Variants in CACNA1D observed in about 807,000 individuals in gnomAD.
CACNA1D encodes the protein voltage-dependent L-type calcium channel subunit alpha-1D.
CACNA1D carries 55 observed loss-of-function variants against 257.1 expected under a neutral mutation model. The ratio of observed to expected loss-of-function variants is 0.21; its 90% CI spans 0.17 to 0.27. The LOEUF (loss-of-function observed/expected upper bound fraction) is 0.27. Ranked by LOEUF, CACNA1D falls within the 10% of genes least tolerant of loss-of-function variation. The pLI is 1.00. For synonymous variants in CACNA1D, 980 were observed against 1,014.9 expected (o/e 0.97, Z 0.65); for missense variants, 1,876 against 2,784.0 (o/e 0.67, Z 7.34).
chr3:53,809,682 G>A, intron 46 of CACNA1D: 1 of 468,984 alleles, frequency 2.1e-6, no homozygotes, highest in South Asian at 2.1e-5. Flanking sequence ...ACAGCTTGTT[G>A]GGCTTCCCTG....
intron 9 of CACNA1D, among the ~76,000 whole-genome samples, chr3:53,717,407 A>T (rs568213388): frequency 4.3e-5 from 4 of 93,894 alleles, no homozygotes; most frequent in African/African-American, 1.1e-4. Flanking sequence ...GGGCTCCAGC[A>T]CGTGTTCGTG....
chr3:53,767,713 G>A (rs914635414), intron 30 of CACNA1D, among the ~76,000 whole-genome samples: 1 of 152,210 alleles, frequency 6.6e-6, no homozygotes, highest in African/African-American at 2.4e-5. Context: ...TAGTATGAGA[G>A]CTGGCCTCCC....
chr3:53,690,524 C>T (rs2094509674), intron 8 of CACNA1D, among the ~76,000 whole-genome samples: 1 of 152,170 alleles, frequency 6.6e-6, no homozygotes, highest in Non-Finnish European at 1.5e-5. Context: ...CCTTGTTCTC[C>T]GTCAGCCAAG....
chr3:53,796,719 G>T (rs1440528842), intron 40 of CACNA1D, among the ~76,000 whole-genome samples: 4 of 152,142 alleles, frequency 2.6e-5, no homozygotes, highest in Non-Finnish European at 4.4e-5. Flanking sequence ...AAAATTTTAA[G>T]CAGCAGTCTA....
intron 3 of CACNA1D, among the ~76,000 whole-genome samples, chr3:53,517,499 T>C (rs183358364): frequency 2.6e-3 from 389 of 151,748 alleles, no homozygotes; most frequent in Non-Finnish European, 4.3e-3. Flanking sequence ...TTTTTTTTTT[T>C]TTTAGACAGA....
chr3:53,763,800 A>T lies in CACNA1D; in HGVS notation c.3870+1719A>T, dbSNP rs545190384. On this transcript the variant is annotated intron_variant, in intron 30 of 47. Coordinates refer to ENST00000350061, the MANE Select transcript of CACNA1D (RefSeq NM_001128840.3). ...CAGCCTGGCAGTCCTAAGACCTGGC[A>T]GTTGCAGCCCTAGTTCCAAACTGAC... Among the ~76,000 whole-genome samples the T allele has an allele frequency of 3.3e-5, 5 of 152,350 alleles. No individual in the cohort carries two copies. In the East Asian group the frequency reaches 7.7e-4, roughly 24 times the overall value.
intron 29 of CACNA1D, among the ~76,000 whole-genome samples, chr3:53,757,243 C>T (rs1377874606): frequency 6.6e-6 from 1 of 152,132 alleles, no homozygotes; most frequent in Non-Finnish European, 1.5e-5. Context: ...CTTCATGACC[C>T]CATCTGTTCT....
chr3:53,703,319 A>C (rs1402388549), intron 9 of CACNA1D, among the ~76,000 whole-genome samples: 2 of 152,186 alleles, frequency 1.3e-5, no homozygotes, highest in African/African-American at 2.4e-5. Flanking sequence ...CCGGCTCACC[A>C]TTCTAGGCAG....
At chr3:53,689,459 TAGG>T (rs756584495) in intron 8 of CACNA1D, among the ~76,000 whole-genome samples, 2 of 150,658 alleles carry the variant, frequency 1.3e-5, no homozygotes, top group Non-Finnish European at 3.0e-5. Context: ...GCAGTGGAGT[TAGG>T]AGAGCCTGGG....
chr3:53,590,896 C>T (rs3774465), intron 3 of CACNA1D, among the ~76,000 whole-genome samples: 76 of 152,276 alleles, frequency 5.0e-4, no homozygotes, highest in East Asian at 3.3e-3. Flanking sequence ...GAGCTCTGTC[C>T]GCTGTGGGCT....
intron 3 of CACNA1D, among the ~76,000 whole-genome samples, chr3:53,567,783 T>C (rs2092872914): frequency 6.6e-6 from 1 of 152,262 alleles, no homozygotes; most frequent in South Asian, 2.1e-4. Context: ...GGACATGTCT[T>C]GTATACACTG....
chr3:53,663,305 G>A (rs1400728424), intron 5 of CACNA1D, among the ~76,000 whole-genome samples: 4 of 152,202 alleles, frequency 2.6e-5, no homozygotes, highest in Non-Finnish European at 5.9e-5. Context: ...TATTGGGAAA[G>A]TGAGATGATA....
intron 4 of CACNA1D, among the ~76,000 whole-genome samples, chr3:53,655,834 A>T (rs2094142699): frequency 6.6e-6 from 1 of 152,210 alleles, no homozygotes; most frequent in African/African-American, 2.4e-5. Flanking sequence ...TTGGCATCTT[A>T]GTCATGAAAT....
intron 30 of CACNA1D, among the ~76,000 whole-genome samples, chr3:53,769,082 C>T (rs2095351559): frequency 6.6e-6 from 1 of 152,230 alleles, no homozygotes; most frequent in Admixed American, 6.5e-5. Flanking sequence ...GCTTCCAACT[C>T]CTCTGTGTTC....
rs368587178 is a variant in CACNA1D at position 53,724,013 on chromosome 3, C to G, written c.2100+14C>G. 140 of 1,604,520 alleles carry G rather than the reference C, an allele frequency of 8.7e-5. No homozygotes were observed. Among genetic ancestry groups the G allele is most frequent in the Non-Finnish European group, 1.1e-4 (128 of 1,171,366 alleles). The stretch of plus-strand genomic sequence containing the variant: ...ACAGTGTTCCAGGTGAGTCCTCCCT[C>G]CATTCCCCGAAAAGCACTTCGTGAG... On this transcript the variant is annotated intron_variant, in intron 14 of 47. Coordinates refer to ENST00000350061, the MANE Select transcript of CACNA1D (RefSeq NM_001128840.3).
intron 7 of CACNA1D, among the ~76,000 whole-genome samples, chr3:53,666,834 A>C (rs2094269831): frequency 6.6e-6 from 1 of 152,178 alleles, no homozygotes; most frequent in African/African-American, 2.4e-5. Flanking sequence ...AACTCCAGGA[A>C]GCCAGGGCTA....
chr3:53,680,110 G>A (rs2094415245), intron 8 of CACNA1D, among the ~76,000 whole-genome samples: 2 of 152,310 alleles, frequency 1.3e-5, no homozygotes, highest in South Asian at 2.1e-4. Flanking sequence ...AGCCACACCT[G>A]ACATTAACAA....
intron 8 of CACNA1D, among the ~76,000 whole-genome samples, chr3:53,695,032 C>T (rs770499906): frequency 6.6e-6 from 1 of 152,204 alleles, no homozygotes; most frequent in Non-Finnish European, 1.5e-5. Flanking sequence ...AGCCATTTCT[C>T]GTGAACTCAC....
rs2090306939 is a variant in CACNA1D, at chr3:53,495,526, C to T, written c.67+293C>T. Among the ~76,000 whole-genome samples, 2 of 152,064 alleles carry T rather than the reference C, an allele frequency of 1.3e-5. No individual in the cohort carries two copies. The highest frequency in any genetic ancestry group is 6.5e-5 in the Admixed American group (1 of 15,270). On this transcript the variant is annotated intron_variant, in intron 1 of 47. Transcript: ENST00000350061. This position sits in a 1 kb window ranked among gnomAD's most constrained non-coding sequence, Gnocchi z 5.1. ...CGGGGTGATTCGGGTTCAGTGTCCT[C>T]GGGCTCAACTTTCCTTCAACGCCCC...
Sources: allele counts gnomAD v4.1 joint callset (sites outside exome capture counted in the v4.1 genomes callset), GRCh38; gene constraint gnomAD v4.1.1; non-coding constraint Gnocchi (gnomAD v3.1); transcripts MANE v1.5; gene names NCBI Gene and HGNC (gene_info 2026-07-23, HGNC 2026-07-21).